The following SLC51A variants were observed in gnomAD, a reference collection of about 807,000 sequenced individuals.
SLC51A encodes solute carrier family 51 member A.
In SLC51A, 22 loss-of-function variants were observed where a neutral mutation model predicts 34.8. The observed-to-expected ratio is 0.63, with a 90% CI of 0.45 to 0.90. The LOEUF is 0.90. SLC51A is among the 40% of genes least tolerant of loss of function. SLC51A has a pLI of 0.00. For missense variants in SLC51A, 371 were observed against 414.8 expected, an observed-to-expected ratio of 0.89 and a Z score of 0.92; for synonymous variants, 181 against 176.3, an observed-to-expected ratio of 1.03 and a Z score of -0.21.
At position 196,231,842 on chromosome 3, in the gene SLC51A, T is replaced by G. The variant is rs73891230; in HGVS notation, c.781-577T>G. 4.2e-3 allele frequency among the ~76,000 whole-genome samples: 643 copies of G among 152,314 alleles called. 7 individuals carry two copies. Among genetic ancestry groups the G allele is most frequent in the African/African-American group, 0.015 (620 of 41,566 alleles). ...TTCTTCTCCCCTTTTGCCTTCTTTA[T>G]TTGGTGAAATATTGATAAAATTTGC... On this transcript the variant is annotated intron_variant, in intron 7 of 8. Coordinates refer to ENST00000296327, the MANE Select transcript of SLC51A (RefSeq NM_152672.6).
At chr3:196,220,138 G>T (rs537715389) in intron 2 of SLC51A, among the ~76,000 whole-genome samples, 1 of 152,376 alleles carries the variant, frequency 6.6e-6, no homozygotes, top group Non-Finnish European at 1.5e-5. Flanking sequence ...GGGCCGGGCA[G>T]GAGAGGTGAG....
At chr3:196,224,023 T>C (rs1723833432) in intron 2 of SLC51A, 1 of 292,596 alleles carries the variant, frequency 3.4e-6, no homozygotes, top group African/African-American at 2.3e-5. Context: ...CATGCCTGGC[T>C]AATTTTTGTA....
At chr3:196,229,768 C>A in intron 6 of SLC51A, 147 bp from the exon 7 acceptor site, 1 of 840,552 alleles carries the variant, frequency 1.2e-6, no homozygotes, top group East Asian at 3.2e-5. Context: ...GCGAGGGGAT[C>A]ACTGGAGCCA....
chr3:196,230,107 A>C, intron 7 of SLC51A, 46 bp downstream of exon 7: 1 of 1,539,894 alleles, frequency 6.5e-7, no homozygotes, highest in South Asian at 1.2e-5. Context: ...ACCGAGCTAC[A>C]GATAGTTGGG....
At chr3:196,229,041 AAC>A (rs1723967170) in intron 6 of SLC51A, 121 bp downstream of exon 6, 3 of 825,434 alleles carry the variant, frequency 3.6e-6, no homozygotes, top group Non-Finnish European at 6.0e-6. Flanking sequence ...GCTGTGGGAA[AAC>A]AGAGGCTCAG....
intron 6 of SLC51A, among the ~76,000 whole-genome samples, chr3:196,229,221 C>A (rs544558877): frequency 6.6e-6 from 1 of 152,180 alleles, no homozygotes; most frequent in South Asian, 2.1e-4. Flanking sequence ...CCAGCCTGGA[C>A]AATATAGCGA....
chr3:196,223,350 G>A (rs773732504), intron 2 of SLC51A, among the ~76,000 whole-genome samples: 10 of 151,924 alleles, frequency 6.6e-5, no homozygotes, highest in Non-Finnish European at 1.0e-4. Flanking sequence ...CCCTGCCTCC[G>A]TGGAGTGTGC....
At chr3:196,229,057 C>T in intron 6 of SLC51A, 137 bp downstream of exon 6, 1 of 719,806 alleles carries the variant, frequency 1.4e-6, no homozygotes, top group East Asian at 2.7e-5. Context: ...GGCTCAGGGA[C>T]TGCCAGGGAG....
intron 2 of SLC51A, 105 bp from the exon 3 acceptor site, chr3:196,226,860 C>G: frequency 2.7e-6 from 3 of 1,108,108 alleles, no homozygotes; most frequent in Non-Finnish European, 2.6e-6. Flanking sequence ...TTCCTGTGCA[C>G]GGGTGGGAGC....
rs1004756962 is a variant in SLC51A, at chr3:196,229,898, C to T, written c.634-17C>T. 6.3e-7 allele frequency: 1 copy of T among 1,587,482 alleles called. No individual in the cohort carries two copies. The highest frequency in any genetic ancestry group is 1.4e-5 in the African/African-American group (1 of 73,766). ...GAGAGCTTGCCTGCCTCACTGACTA[C>T]TTTCTGTTGCCACCAGATTTCTGAG... is the stretch of plus-strand genomic sequence containing the variant. On this transcript the variant is annotated splice_polypyrimidine_tract_variant and intron_variant, in intron 6 of 8. Transcript: ENST00000296327.
In SLC51A at chr3:196,227,782, C is replaced by T. The variant is rs150789291; in HGVS notation, c.362+45C>T. ...CCACCTCCAAGGGCCCCTCTGCTCCCGCTCACCAGGACTCGAGTCCGTGTC... is the reference window on the plus strand; with the variant it reads ...CCACCTCCAAGGGCCCCTCTGCTCCTGCTCACCAGGACTCGAGTCCGTGTC... On this transcript the variant is annotated intron_variant, in intron 4 of 8. Transcript: ENST00000296327. 99 of 1,552,394 alleles carry T rather than the reference C, an allele frequency of 6.4e-5. 1 individual carries two copies. Among genetic ancestry groups the T allele is most frequent in the South Asian group, 2.5e-4 (22 of 86,556 alleles).
At chr3:196,217,240 CTG>C (rs1249076440) in intron 1 of SLC51A, among the ~76,000 whole-genome samples, 9 of 152,218 alleles carry the variant, frequency 5.9e-5, no homozygotes. Context: ...GAAAAGGGCC[CTG>C]AGGCCGGGCG....
chr3:196,220,467 C>T (rs1043456588), intron 2 of SLC51A, among the ~76,000 whole-genome samples: 1 of 152,032 alleles, frequency 6.6e-6, no homozygotes, highest in Admixed American at 6.6e-5. Flanking sequence ...TGTGGTGGCG[C>T]GTGCCTGTAA....
At chr3:196,221,367 A>G (rs1358012257) in intron 2 of SLC51A, among the ~76,000 whole-genome samples, 1 of 151,138 alleles carries the variant, frequency 6.6e-6, no homozygotes, top group African/African-American at 2.4e-5. Flanking sequence ...TCTGGGCTCA[A>G]GTGATCCTCC....
intron 1 of SLC51A, among the ~76,000 whole-genome samples, 179 bp from the exon 2 acceptor site, chr3:196,217,663 G>GAGAGAA (rs1262168796): frequency 3.3e-5 from 5 of 151,616 alleles, no homozygotes; most frequent in Non-Finnish European, 7.4e-5. Context: ...GGGGAAGGGA[G>GAGAGAA]AGAGAAAGAG....
chr3:196,217,999 TG>T, intron 2 of SLC51A, 63 bp downstream of exon 2: 1 of 1,485,362 alleles, frequency 6.7e-7, no homozygotes. Flanking sequence ...TGAGTGGAGC[TG>T]GGGAGAGGCG....
In SLC51A at chr3:196,229,921, G is replaced by A. The variant is rs1262232953; in HGVS notation, c.640G>A (p.Glu214Lys). The A allele has an allele frequency of 5.6e-6, 9 of 1,600,422 alleles. No homozygotes were observed. Among genetic ancestry groups the A allele is most frequent in the Non-Finnish European group, 7.7e-6 (9 of 1,174,228 alleles). ...TACTTTCTGTTGCCACCAGATTTCT[G>A]AGGGGAGCACAGCTCTATGGATCAA... ...DGIYDPADIS[E>K]GSTALWINTF... The change falls in exon 7 of 9, where the codon GAG (glutamate) becomes AAG (lysine). Residue 214 changes from glutamate (E) to lysine (K), a missense_variant. By Grantham distance (56) the Glu-to-Lys change is moderately conservative (BLOSUM62 1). Coordinates refer to ENST00000296327, the MANE Select transcript of SLC51A (RefSeq NM_152672.6).
chr3:196,227,233 G>A (rs186762647), intron 3 of SLC51A, 114 bp downstream of exon 3: 7 of 1,154,936 alleles, frequency 6.1e-6, no homozygotes, highest in East Asian at 5.0e-5. Flanking sequence ...GCCACGACCC[G>A]CGGAGGGCCG....
At chr3:196,232,935 G>A (rs759908826) in intron 8 of SLC51A, 128 bp from the exon 9 acceptor site, 11 of 936,152 alleles carry the variant, frequency 1.2e-5, no homozygotes, top group East Asian at 4.8e-5. Context: ...TGACAATTTC[G>A]TATCCCTAAG....
Sources: allele counts gnomAD v4.1 joint callset (sites outside exome capture counted in the v4.1 genomes callset), GRCh38; gene constraint gnomAD v4.1.1; transcripts MANE v1.5; gene names NCBI Gene and HGNC (gene_info 2026-07-23, HGNC 2026-07-21).